Variants in CRTC1 observed in about 807,000 individuals in gnomAD.
The protein encoded by CRTC1 is CREB-regulated transcription coactivator 1.
CRTC1 carries 18 observed loss-of-function variants against 66.1 expected under a neutral mutation model. That is an observed-to-expected ratio of 0.27 (90% confidence interval 0.19 to 0.40). The LOEUF (loss-of-function observed/expected upper bound fraction) is 0.40. CRTC1 is among the 10% of genes least tolerant of loss of function. The pLI is 1.00. For synonymous variants in CRTC1, 416 were observed against 398.8 expected, an observed-to-expected ratio of 1.04 and a Z score of -0.51; for missense variants, 669 against 887.9, an observed-to-expected ratio of 0.75 and a Z score of 3.13.
At chr19:18,732,567 C>T (rs1045384045) in intron 1 of CRTC1, among the ~76,000 whole-genome samples, 2 of 152,102 alleles carry the variant, frequency 1.3e-5, no homozygotes, top group Admixed American at 6.5e-5. Context: ...ATTTTGGATG[C>T]AGGGATTGGG....
At chr19:18,697,005 GTA>G (rs2053005557) in intron 1 of CRTC1, among the ~76,000 whole-genome samples, 1 of 152,058 alleles carries the variant, frequency 6.6e-6, no homozygotes, top group African/African-American at 2.4e-5. Context: ...TCTGGTTGGG[GTA>G]TGTCTCTGAC....
intron 1 of CRTC1, among the ~76,000 whole-genome samples, chr19:18,713,838 G>A (rs914121011): frequency 3.9e-5 from 6 of 152,232 alleles, no homozygotes; most frequent in Non-Finnish European, 4.4e-5. Flanking sequence ...AAAAGGCCAC[G>A]CAGAGGTGGG....
At chr19:18,746,459 C>T (rs375448521) in intron 3 of CRTC1, among the ~76,000 whole-genome samples, 25 of 152,162 alleles carry the variant, frequency 1.6e-4, no homozygotes, top group African/African-American at 5.8e-4. Context: ...GACTCGGTCA[C>T]GCAGAGATCA....
At position 18,770,519 on chromosome 19, in the gene CRTC1, C is replaced by A. The variant is rs569614275; in HGVS notation, c.1321-923C>A. Reference sequence around the variant, plus strand: ...GGACCTGCCCAGGGCACACAGTCAGCGAGAGCCGGGAACAGGAGGCAGCCT... The same window carrying A: ...GGACCTGCCCAGGGCACACAGTCAGAGAGAGCCGGGAACAGGAGGCAGCCT... On this transcript the variant is annotated intron_variant, in intron 10 of 13. Coordinates refer to ENST00000321949, the MANE Select transcript of CRTC1 (RefSeq NM_015321.3). 2.6e-5 allele frequency among the ~76,000 whole-genome samples: 4 copies of A among 152,338 alleles called. No homozygotes were observed. The South Asian group carries it at 8.3e-4, about 32-fold the overall frequency.
chr19:18,746,128 C>A (rs2054230592), intron 3 of CRTC1, among the ~76,000 whole-genome samples, 168 bp downstream of exon 3: 1 of 152,186 alleles, frequency 6.6e-6, no homozygotes, highest in South Asian at 2.1e-4. Context: ...TGGGGGACTT[C>A]CTGGAGGAGG....
rs989207221 is a variant in CRTC1 at position 18,777,690 on chromosome 19, C to T, written c.*308C>T. On this transcript the variant is annotated 3_prime_UTR_variant, in exon 14 of 14. Coordinates refer to ENST00000321949, the MANE Select transcript of CRTC1 (RefSeq NM_015321.3). The surrounding 1 kb of genome is among the most constrained non-coding windows in gnomAD (Gnocchi z 5.5). The stretch of plus-strand genomic sequence containing the variant: ...CCCCAGCCCCGGGGCCTGAGCCGTC[C>T]CCTGTAAGATGCGGGAAGTGTCAGC... The T allele has an allele frequency of 9.7e-6, 4 of 410,524 alleles. No individual in the cohort carries two copies. The highest frequency in any genetic ancestry group is 1.8e-5 in the Non-Finnish European group (4 of 227,108). The allele number at this position is 410,524 out of a possible 1,614,324, so 25.4% of individuals were successfully genotyped here.
chr19:18,713,622 C>G (rs1424953402), intron 1 of CRTC1, among the ~76,000 whole-genome samples: 1 of 118,092 alleles, frequency 8.5e-6, no homozygotes, highest in Admixed American at 8.6e-5. Flanking sequence ...TGTAGTGTTT[C>G]TGTATGGCTC....
chr19:18,775,436 A>T (rs184632266), intron 12 of CRTC1, among the ~76,000 whole-genome samples: 1 of 152,232 alleles, frequency 6.6e-6, no homozygotes, highest in African/African-American at 2.4e-5. Context: ...CCATTCATCC[A>T]TTCATCCAGC....
chr19:18,698,532 GTGTACTCAGCAGGCA>G (rs2053052818), intron 1 of CRTC1, among the ~76,000 whole-genome samples: 3 of 151,488 alleles, frequency 2.0e-5, no homozygotes, highest in South Asian at 2.1e-4. Context: ...CAGGCACAGT[GTGTACTCAGCAGGCA>G]CTCAGCAGGT....
chr19:18,688,726 C>T (rs113649837), intron 1 of CRTC1, among the ~76,000 whole-genome samples: 1 of 152,106 alleles, frequency 6.6e-6, no homozygotes, highest in Non-Finnish European at 1.5e-5. Context: ...GTGTGAGCCA[C>T]GGCGCCTGGC....
At position 18,760,182 on chromosome 19, in the gene CRTC1, C is replaced by G; in HGVS notation, c.840C>G (p.Asn280Lys). The G allele has an allele frequency of 6.2e-7, 1 of 1,613,380 alleles. No homozygotes were observed. Among genetic ancestry groups the G allele is most frequent in the South Asian group, 1.1e-5 (1 of 91,072 alleles). The change falls in exon 8 of 14, where the codon AAC becomes AAG. Residue 280 changes from asparagine to lysine, a missense_variant. By Grantham distance (94) the Asn-to-Lys change is moderately conservative. This residue lies in a region of CRTC1 where 214 missense variants were observed against 323.4 expected (regional missense o/e 0.66). Coordinates refer to ENST00000321949, the MANE Select transcript of CRTC1 (RefSeq NM_015321.3). This position sits in a 1 kb window ranked among gnomAD's most constrained non-coding sequence, Gnocchi z 6.2. Reference sequence around the variant, plus strand: ...TGAGCAGCTCCAGCAGCACCGGCAACCTCGCGGCCAACCTGACGCACCTGG... The same window carrying G: ...TGAGCAGCTCCAGCAGCACCGGCAAGCTCGCGGCCAACCTGACGCACCTGG... The part of the protein sequence containing the change: ...PALSSSSSTG[N>K]LAANLTHLGI...
intron 11 of CRTC1, among the ~76,000 whole-genome samples, chr19:18,774,424 C>A (rs982357299): frequency 3.3e-5 from 5 of 152,246 alleles, no homozygotes; most frequent in African/African-American, 1.2e-4. Flanking sequence ...CAGCTGGTGG[C>A]TGGCTCTGTG....
rs1295749424 is a variant in CRTC1, at chr19:18,768,620, C to T, written c.1147C>T (p.Pro383Ser). 2 of 1,508,358 alleles carry T rather than the reference C, an allele frequency of 1.3e-6. No homozygotes were observed. Among genetic ancestry groups the T allele is most frequent in the South Asian group, 2.4e-5 (2 of 82,900 alleles). The allele number at this position is 1,508,358 out of a possible 1,614,324, so 93.4% of individuals were successfully genotyped here. The part of the protein sequence containing the change: ...PPPASQQPPP[P>S]PPPQAPVRLP... Reference sequence around the variant, plus strand: ...ACCCGCGTCCCAGCAGCCACCACCCCCGCCACCCCCACAGGCGCCCGTCCG... The same window carrying T: ...ACCCGCGTCCCAGCAGCCACCACCCTCGCCACCCCCACAGGCGCCCGTCCG... The change falls in exon 10 of 14, where the codon CCG (proline) becomes TCG (serine). Residue 383 changes from proline (P) to serine (S), a missense_variant. Physicochemically the swap from Pro to Ser is moderately conservative, Grantham distance 74. Coordinates refer to ENST00000321949, the MANE Select transcript of CRTC1 (RefSeq NM_015321.3). This position sits in a 1 kb window ranked among gnomAD's most constrained non-coding sequence, Gnocchi z 5.6.
chr19:18,695,455 G>T (rs1475535649), intron 1 of CRTC1, among the ~76,000 whole-genome samples: 1 of 152,180 alleles, frequency 6.6e-6, no homozygotes, highest in African/African-American at 2.4e-5. Flanking sequence ...GCTCACTTGG[G>T]GCCGATTCTG....
At chr19:18,759,687 C>T in intron 7 of CRTC1, 96 bp downstream of exon 7, 1 of 1,365,020 alleles carries the variant, frequency 7.3e-7, no homozygotes, top group Non-Finnish European at 1.0e-6. Flanking sequence ...TTGCAAGTCC[C>T]TGCAAGAGGG....
In CRTC1 at chr19:18,747,050, C is replaced by G; in HGVS notation, c.382-3C>G. 1 of 1,613,274 alleles carries G rather than the reference C, an allele frequency of 6.2e-7. No individual in the cohort carries two copies. The highest frequency in any genetic ancestry group is 2.2e-5 in the East Asian group (1 of 44,800). ...GTGGCACTGCCCCCTTAACTCACCT[C>G]ACGCCGACAGCTGCCCCTATGGCAC... On this transcript the variant is annotated splice_region_variant and splice_polypyrimidine_tract_variant and intron_variant, in intron 3 of 13. Coordinates refer to ENST00000321949, the MANE Select transcript of CRTC1 (RefSeq NM_015321.3).
rs548674811 is a variant in CRTC1, at chr19:18,736,506, CAG to C, written c.127-6403_127-6402del. Among the ~76,000 whole-genome samples, 491 of 152,126 alleles carry C rather than the reference CAG, an allele frequency of 3.2e-3. 11 individuals are homozygous for C. The highest frequency in any genetic ancestry group is 0.011 in the African/African-American group (474 of 41,414). ...GCCTCAGTTTCCCCATCTGGACTGTCAGGGGAGGGGCTGTGCAGAGGGCGGCC... is the reference window on the plus strand; with the variant it reads ...GCCTCAGTTTCCCCATCTGGACTGTCGGGAGGGGCTGTGCAGAGGGCGGCC... On this transcript the variant is annotated intron_variant, in intron 1 of 13. Transcript: ENST00000321949.
chr19:18,694,375 C>T (rs2052934096), intron 1 of CRTC1, among the ~76,000 whole-genome samples: 1 of 151,336 alleles, frequency 6.6e-6, no homozygotes, highest in African/African-American at 2.4e-5. Context: ...GAATTGATAA[C>T]TTACTAATCC....
In CRTC1 at chr19:18,771,415, G is replaced by T; in HGVS notation, c.1321-27G>T. ...GCCCGGGCTTGGGCAGCTGGGCTGC[G>T]GCGTGCTGATCTGTCTGTCATCGCA... On this transcript the variant is annotated intron_variant, in intron 10 of 13. Coordinates refer to ENST00000321949, the MANE Select transcript of CRTC1 (RefSeq NM_015321.3). This position sits in a 1 kb window ranked among gnomAD's most constrained non-coding sequence, Gnocchi z 4.6. 1 of 1,589,590 alleles carries T rather than the reference G, an allele frequency of 6.3e-7. No homozygotes were observed. The highest frequency in any genetic ancestry group is 8.6e-7 in the Non-Finnish European group (1 of 1,166,706).
Sources: gnomAD v4.1 joint callset for allele counts (sites outside exome capture counted in the v4.1 genomes callset) on GRCh38, gnomAD v4.1.1 for gene constraint, gnomAD v4.1.1 regional missense constraint, Gnocchi (gnomAD v3.1) non-coding constraint, MANE v1.5 for transcripts, NCBI Gene and HGNC (gene_info 2026-07-23, HGNC 2026-07-21) for gene names.